The following OR56A3 variants were observed in gnomAD, a reference collection of about 807,000 sequenced individuals.
The protein encoded by OR56A3 is olfactory receptor 56A3.
Under a neutral mutation model 17.5 loss-of-function variants are expected in OR56A3, and 23 were observed. The observed-to-expected ratio is 1.32, with a 90% CI of 0.95 to 1.87. The LOEUF (loss-of-function observed/expected upper bound fraction) is 1.87. OR56A3 is among the 40% of genes most tolerant of loss of function. The pLI is 0.00. For missense variants in OR56A3, 366 were observed against 380.1 expected, an observed-to-expected ratio of 0.96 and a Z score of 0.31; for synonymous variants, 175 against 150.6, an observed-to-expected ratio of 1.16 and a Z score of -1.19.
At chr11:5,947,267 G>C in intron 2 of OR56A3, 44 bp from the exon 3 acceptor site, 1 of 1,284,998 alleles carries the variant, frequency 7.8e-7, no homozygotes, top group Non-Finnish European at 1.1e-6. Flanking sequence ...TGCTATCTTT[G>C]TGTATCAAGA....
chr11:5,968,096 T>C, the OR56A3 span: 1 of 1,613,906 alleles, frequency 6.2e-7, no homozygotes, highest in Non-Finnish European at 8.5e-7. Context: ...ATGAGTACTG[T>C]AGGGGCTTGC....
At chr11:5,972,054 A>C in the OR56A3 span, among the ~76,000 whole-genome samples, 1 of 152,208 alleles carries the variant, frequency 6.6e-6, no homozygotes, top group African/African-American at 2.4e-5. Flanking sequence ...TCTCATTAAC[A>C]CTGGAACTTG....
the OR56A3 span, among the ~76,000 whole-genome samples, chr11:6,010,381 A>T: frequency 6.6e-6 from 1 of 152,304 alleles, no homozygotes; most frequent in South Asian, 2.1e-4. Context: ...TCCCTACCTA[A>T]TACAAAAGTA....
the OR56A3 span, among the ~76,000 whole-genome samples, chr11:5,978,087 T>C: frequency 4.3e-3 from 655 of 152,282 alleles, 8 homozygotes; most frequent in African/African-American, 0.015. Flanking sequence ...GTACCAGTAC[T>C]ATGTTTTTTG....
the OR56A3 span, among the ~76,000 whole-genome samples, chr11:5,996,128 T>C: frequency 6.6e-6 from 1 of 152,198 alleles, no homozygotes; most frequent in African/African-American, 2.4e-5. Context: ...TGCGGCACTA[T>C]TTGCAATAGC....
the OR56A3 span, among the ~76,000 whole-genome samples, chr11:6,003,826 T>C: frequency 6.6e-6 from 1 of 152,326 alleles, no homozygotes. Context: ...GAGTGAGTTT[T>C]AGGCAAGTAA....
At chr11:5,969,129 C>T in the OR56A3 span, among the ~76,000 whole-genome samples, 1 of 152,164 alleles carries the variant, frequency 6.6e-6, no homozygotes, top group African/African-American at 2.4e-5. Flanking sequence ...TGTGTCACAA[C>T]CCATCCTAGA....
At chr11:5,951,531 T>C (rs1027072278), downstream of OR56A3, among the ~76,000 whole-genome samples, 1 of 152,126 alleles carries the variant, frequency 6.6e-6, no homozygotes, top group African/African-American at 2.4e-5. Context: ...TCATAAAATG[T>C]TGAAACTCAG....
the OR56A3 span, chr11:5,995,022 G>T: frequency 4.6e-6 from 3 of 651,108 alleles, no homozygotes; most frequent in African/African-American, 5.5e-5. Context: ...AGAACATGGA[G>T]ATCCGGGAAC....
the OR56A3 span, among the ~76,000 whole-genome samples, chr11:5,987,601 T>C: frequency 1.3e-5 from 2 of 152,208 alleles, no homozygotes; most frequent in African/African-American, 2.4e-5. Context: ...TTTTCCCAAA[T>C]TTGTTCTACT....
the OR56A3 span, among the ~76,000 whole-genome samples, chr11:5,972,598 T>C: frequency 1.3e-5 from 2 of 152,092 alleles, no homozygotes; most frequent in Non-Finnish European, 2.9e-5. Flanking sequence ...CCCATCCCCT[T>C]CTCCAAGCCA....
the OR56A3 span, chr11:5,986,118 G>A: frequency 6.2e-6 from 10 of 1,613,936 alleles, no homozygotes; most frequent in Non-Finnish European, 8.5e-6. Flanking sequence ...AAATTCCAGG[G>A]ACATAGAAGA....
At chr11:6,006,155 C>T in the OR56A3 span, 108 of 152,234 alleles carry the variant, frequency 7.1e-4, 1 homozygote, top group African/African-American at 2.4e-3. Context: ...GATTTTTTAA[C>T]GAATACAGGA....
the OR56A3 span, among the ~76,000 whole-genome samples, chr11:5,957,224 C>A: frequency 1.3e-5 from 2 of 152,126 alleles, no homozygotes; most frequent in Non-Finnish European, 1.5e-5. Context: ...TATCTTAAAA[C>A]TTTATGCACT....
the OR56A3 span, among the ~76,000 whole-genome samples, chr11:6,007,685 T>C: frequency 6.6e-6 from 1 of 152,196 alleles, no homozygotes; most frequent in South Asian, 2.1e-4. Context: ...ATGGGAATTC[T>C]TTCAGGATAA....
intron 2 of OR56A3, among the ~76,000 whole-genome samples, chr11:5,945,569 A>C (rs1176218722): frequency 7.9e-6 from 1 of 126,016 alleles, no homozygotes; most frequent in South Asian, 2.8e-4. Flanking sequence ...CAACAGAGCT[A>C]GACCCCATAT....
At chr11:5,974,344 A>T in the OR56A3 span, among the ~76,000 whole-genome samples, 2 of 151,958 alleles carry the variant, frequency 1.3e-5, no homozygotes, top group Non-Finnish European at 2.9e-5. Flanking sequence ...TGACCTCGTG[A>T]TCCGCCCGCC....
chr11:5,986,802 G>A, the OR56A3 span: 1 of 1,614,038 alleles, frequency 6.2e-7, no homozygotes, highest in South Asian at 1.1e-5. Flanking sequence ...GTGCAATCCA[G>A]TGCTGGCTTT....
downstream of OR56A3, among the ~76,000 whole-genome samples, chr11:5,953,325 G>T (rs945568801): frequency 6.6e-6 from 1 of 151,872 alleles, no homozygotes; most frequent in South Asian, 2.1e-4. Context: ...TTGTTTTTTT[G>T]ACTTAACAAC....
Sources: gnomAD v4.1 joint callset for allele counts (sites outside exome capture counted in the v4.1 genomes callset) on GRCh38, gnomAD v4.1.1 for gene constraint, MANE v1.5 for transcripts, NCBI Gene and HGNC (gene_info 2026-07-23, HGNC 2026-07-21) for gene names.